Variants in GARIN4 observed in about 807,000 individuals in gnomAD.
GARIN4 encodes Golgi-associated RAB2 interactor protein 4.
the GARIN4 span, chr1:212,626,538 C>A: frequency 8.7e-6 from 14 of 1,614,020 alleles, no homozygotes; most frequent in Non-Finnish European, 1.2e-5. Context: ...AACGTCATGG[C>A]TAAGATGGCG....
At chr1:212,625,337 T>C in the GARIN4 span, 1 of 1,614,268 alleles carries the variant, frequency 6.2e-7, no homozygotes, top group African/African-American at 1.3e-5. Flanking sequence ...TCTGCAATTG[T>C]GTCCCGCTCT....
At chr1:212,625,356 G>A in the GARIN4 span, 323 of 1,614,216 alleles carry the variant, frequency 2.0e-4, no homozygotes, top group Non-Finnish European at 2.4e-4. Context: ...CTTGACACAC[G>A]GGATGACCTC....
At chr1:212,626,110 G>A in the GARIN4 span, 1 of 1,614,192 alleles carries the variant, frequency 6.2e-7, no homozygotes, top group Non-Finnish European at 8.5e-7. Flanking sequence ...ATGGAAGGGA[G>A]CGAACCCAGG....
At chr1:212,626,344 G>A in the GARIN4 span, 120 of 1,614,178 alleles carry the variant, frequency 7.4e-5, 1 homozygote, top group Non-Finnish European at 8.9e-5. Flanking sequence ...ACAGGGACTC[G>A]CATAAAGGTG....
chr1:212,625,198 A>G, the GARIN4 span: 1 of 1,613,902 alleles, frequency 6.2e-7, no homozygotes, highest in South Asian at 1.1e-5. Flanking sequence ...CCACCAAGAG[A>G]AAAAAACGCA....
At chr1:212,626,013 G>GA in the GARIN4 span, 1 of 1,614,126 alleles carries the variant, frequency 6.2e-7, no homozygotes, top group Non-Finnish European at 8.5e-7. Flanking sequence ...GTACTGACCA[G>GA]CAGGACAGCT....
At chr1:212,626,288 G>C in the GARIN4 span, 1 of 1,614,226 alleles carries the variant, frequency 6.2e-7, no homozygotes, top group East Asian at 2.2e-5. Context: ...AGCCAATAGA[G>C]ATGACAAAAA....
the GARIN4 span, chr1:212,625,914 G>T: frequency 6.2e-7 from 1 of 1,614,192 alleles, no homozygotes; most frequent in South Asian, 1.1e-5. Context: ...GCTGTGGCAG[G>T]GGCTGCAGGC....
At chr1:212,626,615 TC>T in the GARIN4 span, 1 of 1,612,986 alleles carries the variant, frequency 6.2e-7, no homozygotes, top group Non-Finnish European at 8.5e-7. Flanking sequence ...GACGGTTGGT[TC>T]TATGACACCG....
chr1:212,625,077 G>T, the GARIN4 span: 11 of 1,614,064 alleles, frequency 6.8e-6, no homozygotes, highest in Non-Finnish European at 9.3e-6. Context: ...AACCGTGTCC[G>T]TATGGTGACC....
At chr1:212,625,910 G>C in the GARIN4 span, 1 of 1,614,202 alleles carries the variant, frequency 6.2e-7, no homozygotes, top group Non-Finnish European at 8.5e-7. Context: ...GGTGGCTGTG[G>C]CAGGGGCTGC....
At chr1:212,625,624 C>T in the GARIN4 span, 9 of 1,614,048 alleles carry the variant, frequency 5.6e-6, no homozygotes, top group Non-Finnish European at 6.8e-6. Flanking sequence ...ATGACTTTAA[C>T]AAACCCACTA....
the GARIN4 span, chr1:212,626,065 C>A: frequency 5.0e-6 from 8 of 1,614,208 alleles, no homozygotes; most frequent in Admixed American, 1.3e-4. Flanking sequence ...CTCCCGTCTC[C>A]ACCCGGCAGA....
At chr1:212,626,154 G>A in the GARIN4 span, 1 of 1,614,090 alleles carries the variant, frequency 6.2e-7, no homozygotes, top group East Asian at 2.2e-5. Flanking sequence ...GGGAGGGAAA[G>A]AAGGGAAAAG....
the GARIN4 span, chr1:212,625,663 A>G: frequency 2.5e-6 from 4 of 1,614,036 alleles, no homozygotes; most frequent in African/African-American, 2.7e-5. Context: ...TCCCCAAAAC[A>G]TCTACAGAAC....
chr1:212,625,002 AT>A, the GARIN4 span: 1 of 1,614,176 alleles, frequency 6.2e-7, no homozygotes. Context: ...ATATTCAAGT[AT>A]GCACCGATAT....
the GARIN4 span, chr1:212,625,931 T>G: frequency 1.9e-6 from 3 of 1,614,198 alleles, no homozygotes; most frequent in South Asian, 1.1e-5. Flanking sequence ...AGGCAAGTCC[T>G]CAGAGCATGT....
At chr1:212,625,904 G>A in the GARIN4 span, 1 of 1,614,246 alleles carries the variant, frequency 6.2e-7, no homozygotes, top group Non-Finnish European at 8.5e-7. Context: ...CACGAAGGTG[G>A]CTGTGGCAGG....
the GARIN4 span, chr1:212,626,106 G>A: frequency 3.7e-6 from 6 of 1,614,192 alleles, no homozygotes; most frequent in Middle Eastern, 1.6e-4. Flanking sequence ...CAGCATGGAA[G>A]GGAGCGAACC....
Sources: allele counts gnomAD v4.1 joint callset, GRCh38; gene constraint gnomAD v4.1.1; transcripts MANE v1.5; gene names NCBI Gene and HGNC (gene_info 2026-07-23, HGNC 2026-07-21).